Variants in PTPRM observed in about 807,000 individuals in gnomAD.
PTPRM encodes protein tyrosine phosphatase receptor type M, also known as receptor-type tyrosine-protein phosphatase mu.
In PTPRM, 47 loss-of-function variants were observed where a neutral mutation model predicts 186.7. The ratio of observed to expected loss-of-function variants is 0.25; its 90% CI spans 0.20 to 0.32. The LOEUF (loss-of-function observed/expected upper bound fraction) is 0.32, where lower values mean the gene tolerates loss of function less well. Among genes scored for constraint, PTPRM ranks in the 10% least tolerant of loss-of-function variants. The pLI is 1.00. For synonymous variants in PTPRM, 668 were observed against 674.9 expected (o/e 0.99, Z 0.16); for missense variants, 1,494 against 1,865.0 (o/e 0.80, Z 3.66).
At chr18:8,394,454 C>A (rs768469735) in intron 31 of PTPRM, 22 bp from the exon 32 acceptor site, 12 of 1,600,182 alleles carry the variant, frequency 7.5e-6, no homozygotes, top group Admixed American at 3.4e-5. Flanking sequence ...CGAGTGCAGT[C>A]ATCTGATCTT....
At chr18:8,291,414 C>T (rs994507645) in intron 19 of PTPRM, among the ~76,000 whole-genome samples, 8 of 152,136 alleles carry the variant, frequency 5.3e-5, no homozygotes, top group Non-Finnish European at 7.3e-5. Context: ...TCTTTTCTGT[C>T]GCACTGGGAG....
chr18:8,383,351 A>G (rs1024824317), intron 29 of PTPRM, among the ~76,000 whole-genome samples: 6 of 150,984 alleles, frequency 4.0e-5, no homozygotes, highest in Non-Finnish European at 5.9e-5. Context: ...ACTCAAAAAA[A>G]AGTTATAGGA....
chr18:7,803,666 A>G (rs1227130991), intron 2 of PTPRM, among the ~76,000 whole-genome samples: 1 of 152,204 alleles, frequency 6.6e-6, no homozygotes, highest in East Asian at 1.9e-4. Context: ...GGAGATGAGA[A>G]GAGAAGGGGC....
At chr18:8,253,989 C>A (rs1340260582) in intron 19 of PTPRM, among the ~76,000 whole-genome samples, 1 of 152,084 alleles carries the variant, frequency 6.6e-6, no homozygotes, top group African/African-American at 2.4e-5. Flanking sequence ...TTCTTGATCA[C>A]CTTTCTTGGC....
At chr18:8,341,863 A>G (rs1238080507) in intron 22 of PTPRM, among the ~76,000 whole-genome samples, 1 of 152,230 alleles carries the variant, frequency 6.6e-6, no homozygotes, top group Admixed American at 6.5e-5. Context: ...CTGTAACCTT[A>G]GATTAAAGTC....
At chr18:7,738,045 T>C (rs1227369360) in intron 1 of PTPRM, among the ~76,000 whole-genome samples, 3 of 152,218 alleles carry the variant, frequency 2.0e-5, no homozygotes, top group Admixed American at 2.0e-4. Context: ...TCTTTTTCCA[T>C]AGACATAGAG....
At chr18:8,207,170 G>T (rs763495985) in intron 14 of PTPRM, among the ~76,000 whole-genome samples, 27 of 152,180 alleles carry the variant, frequency 1.8e-4, no homozygotes, top group Non-Finnish European at 3.1e-4. Flanking sequence ...GACAGCCGAG[G>T]TCATGGGTGG....
Position 7,719,681 on chromosome 18 carries a change from A to G in PTPRM, c.74-54468A>G, listed in dbSNP as rs750759026. Among the ~76,000 whole-genome samples, 68 of 152,362 alleles carry G rather than the reference A, an allele frequency of 4.5e-4. No individual in the cohort carries two copies. The Middle Eastern group carries it at 0.01, about 23-fold the overall frequency. On this transcript the variant is annotated intron_variant, in intron 1 of 32. Coordinates refer to ENST00000580170, the MANE Select transcript of PTPRM (RefSeq NM_001105244.2). ...TTAAATAAGAGAGGCATTCCTATTA[A>G]GTTTCCAAACAAGGCAAGGATCCCA...
chr18:7,950,434 G>A (rs1306187834), intron 6 of PTPRM, among the ~76,000 whole-genome samples: 1 of 152,096 alleles, frequency 6.6e-6, no homozygotes, highest in Non-Finnish European at 1.5e-5. Context: ...TTCTTATGTG[G>A]TATAAAAGCA....
intron 1 of PTPRM, among the ~76,000 whole-genome samples, chr18:7,607,616 A>G (rs541176181): frequency 6.6e-6 from 1 of 152,318 alleles, no homozygotes; most frequent in South Asian, 2.1e-4. Flanking sequence ...AGTTCTAGTG[A>G]TCTCTTACCA....
At chr18:8,387,481 C>T (rs2095783287) in intron 31 of PTPRM, among the ~76,000 whole-genome samples, 1 of 140,804 alleles carries the variant, frequency 7.1e-6, no homozygotes, top group Non-Finnish European at 1.5e-5. Flanking sequence ...AGGACCCCTG[C>T]CTCCGCCGCC....
At chr18:8,367,594 C>A (rs978932404) in intron 23 of PTPRM, among the ~76,000 whole-genome samples, 1 of 152,258 alleles carries the variant, frequency 6.6e-6, no homozygotes, top group Non-Finnish European at 1.5e-5. Context: ...CGGCTTCATC[C>A]GGCCGCGGGG....
chr18:8,083,137 C>T (rs2090233429), intron 9 of PTPRM, among the ~76,000 whole-genome samples: 1 of 152,132 alleles, frequency 6.6e-6, no homozygotes, highest in African/African-American at 2.4e-5. Context: ...TAGTGCCCTC[C>T]CTACTACTTC....
At chr18:7,586,441 T>C (rs1172717366) in intron 1 of PTPRM, among the ~76,000 whole-genome samples, 1 of 152,008 alleles carries the variant, frequency 6.6e-6, no homozygotes, top group Non-Finnish European at 1.5e-5. Context: ...TAGAACAAAG[T>C]CAACAGATAG....
At chr18:7,930,257 A>G (rs2051406141) in intron 5 of PTPRM, among the ~76,000 whole-genome samples, 1 of 151,982 alleles carries the variant, frequency 6.6e-6, no homozygotes, top group Non-Finnish European at 1.5e-5. Context: ...TTTTGTAGAA[A>G]CAGGTTTTCA....
At chr18:8,366,764 T>C (rs2095631897) in intron 23 of PTPRM, 1 of 152,214 alleles carries the variant, frequency 6.6e-6, no homozygotes, top group Non-Finnish European at 1.5e-5. Flanking sequence ...GTTAGCCTGA[T>C]TGATGGCCTG....
chr18:8,143,964 G>A (rs1242398580), intron 14 of PTPRM, among the ~76,000 whole-genome samples, 185 bp downstream of exon 14: 1 of 152,118 alleles, frequency 6.6e-6, no homozygotes, highest in African/African-American at 2.4e-5. Flanking sequence ...TAGAGTAAAT[G>A]GCTATGATTC....
At chr18:7,581,804 C>T (rs950038235) in intron 1 of PTPRM, among the ~76,000 whole-genome samples, 6 of 151,684 alleles carry the variant, frequency 4.0e-5, no homozygotes, top group Admixed American at 1.3e-4. Flanking sequence ...AAGCAGCATG[C>T]GGCACTATTC....
chr18:7,999,674 T>C (rs2083753264), intron 7 of PTPRM, among the ~76,000 whole-genome samples: 1 of 151,814 alleles, frequency 6.6e-6, no homozygotes. Context: ...CCTAATATAA[T>C]GTGTTGATGC....
Sources: allele counts gnomAD v4.1 joint callset (sites outside exome capture counted in the v4.1 genomes callset), GRCh38; gene constraint gnomAD v4.1.1; transcripts MANE v1.5; gene names NCBI Gene and HGNC (gene_info 2026-07-23, HGNC 2026-07-21).